The following TBCD variants were observed in gnomAD, a reference collection of about 807,000 sequenced individuals.
The protein encoded by TBCD is tubulin-specific chaperone D.
In TBCD, 105 loss-of-function variants were observed where a neutral mutation model predicts 169.3. That is an observed-to-expected ratio of 0.62 (90% confidence interval 0.53 to 0.73). TBCD has a LOEUF of 0.73. Ranked by LOEUF, TBCD falls within the 30% of genes least tolerant of loss-of-function variation. The probability of loss-of-function intolerance (pLI) is 0.00; values close to 1 mark genes in which losing one functional copy is unlikely to be tolerated. For missense variants in TBCD, 1,444 were observed against 1,600.1 expected (o/e 0.90, Z 1.66); for synonymous variants, 700 against 643.9 (o/e 1.09, Z -1.32).
chr17:82,940,402 C>T (rs1415090391), intron 37 of TBCD, among the ~76,000 whole-genome samples: 1 of 152,124 alleles, frequency 6.6e-6, no homozygotes, highest in Non-Finnish European at 1.5e-5. Context: ...CTGTGAGGGC[C>T]TCCGTGCTGA....
chr17:82,764,508 G>T (rs572474146), intron 3 of TBCD, among the ~76,000 whole-genome samples: 43 of 152,278 alleles, frequency 2.8e-4, no homozygotes, highest in African/African-American at 9.9e-4. Flanking sequence ...AGCTGGGCTT[G>T]GTGGCACATG....
rs969622782 is a variant in TBCD, at chr17:82,833,365, G to A, written c.1318+18431G>A. On this transcript the variant is annotated intron_variant, in intron 13 of 38. Transcript: ENST00000355528. The surrounding 1 kb of genome is among the most constrained non-coding windows in gnomAD (Gnocchi z 4.7). The stretch of plus-strand genomic sequence containing the variant: ...GGCAGTTTCTGCCCACTTTAGCCAC[G>A]TCGTTGGTGTATTCTAGTGTGCTTG... Among the ~76,000 whole-genome samples, 1 of 152,082 alleles carries A rather than the reference G, an allele frequency of 6.6e-6. No homozygotes were observed. The highest frequency in any genetic ancestry group is 1.5e-5 in the Non-Finnish European group (1 of 68,014).
chr17:82,774,203 C>T (rs542714938), intron 6 of TBCD, among the ~76,000 whole-genome samples: 13 of 152,168 alleles, frequency 8.5e-5, no homozygotes, highest in Admixed American at 2.6e-4. Context: ...TGCGGCCTTC[C>T]GCAGTGTTTT....
In TBCD at chr17:82,922,360, T is replaced by TCAAAAA. The variant is rs36201910; in HGVS notation, c.2178+808_2178+813dup. On this transcript the variant is annotated intron_variant, in intron 25 of 38. Transcript: ENST00000355528. The surrounding 1 kb of genome is among the most constrained non-coding windows in gnomAD (Gnocchi z 4.1). Reference sequence around the variant, plus strand: ...TGGGTGACAAGAGCAAGACCCTGCCTCAAAAACAAAAACAAAAACAAAAAC... The same window carrying TCAAAAA: ...TGGGTGACAAGAGCAAGACCCTGCCTCAAAAACAAAAACAAAAACAAAAACAAAAAC... 9.2e-5 allele frequency among the ~76,000 whole-genome samples: 14 copies of TCAAAAA among 151,528 alleles called. No homozygotes were observed. Among genetic ancestry groups the TCAAAAA allele is most frequent in the South Asian group, 2.1e-4 (1 of 4,786 alleles).
At chr17:82,844,725 C>T (rs1440477224) in intron 13 of TBCD, among the ~76,000 whole-genome samples, 7 of 149,558 alleles carry the variant, frequency 4.7e-5, no homozygotes, top group African/African-American at 1.5e-4. Flanking sequence ...GGGATTTTAC[C>T]CGCTATTTTT....
chr17:82,824,307 G>T (rs1402592845), intron 13 of TBCD, among the ~76,000 whole-genome samples: 1 of 151,478 alleles, frequency 6.6e-6, no homozygotes, highest in Non-Finnish European at 1.5e-5. Flanking sequence ...TCAGCCTCCT[G>T]AGTAGCTGGG....
Position 82,874,494 on chromosome 17 carries a change from G to A in TBCD, c.1475+4114G>A, listed in dbSNP as rs568329305. On this transcript the variant is annotated intron_variant, in intron 14 of 38. Transcript: ENST00000355528. This position sits in a 1 kb window ranked among gnomAD's most constrained non-coding sequence, Gnocchi z 5.0. ...GGGCCTCAGGGCTCGCAGCTCACAG[G>A]CTTCTGACGCCTCAGCCTGGAGCTG... Among the ~76,000 whole-genome samples, 64 of 152,216 alleles carry A rather than the reference G, an allele frequency of 4.2e-4. 1 individual carries two copies. In the Middle Eastern group the frequency reaches 0.01, roughly 24 times the overall value.
At chr17:82,857,560 C>T (rs2067844399) in intron 13 of TBCD, among the ~76,000 whole-genome samples, 1 of 152,104 alleles carries the variant, frequency 6.6e-6, no homozygotes, top group Non-Finnish European at 1.5e-5. Context: ...TGCACATATA[C>T]AGGTGTCTAA....
chr17:82,932,609 G>T lies in TBCD; in HGVS notation c.3114-49G>T. 4.6e-6 allele frequency: 7 copies of T among 1,519,658 alleles called. No homozygotes were observed. The South Asian group carries it at 6.9e-5, about 15-fold the overall frequency. The allele number at this position is 1,519,658 out of a possible 1,614,324, so 94.1% of individuals were successfully genotyped here. A position where few individuals can be genotyped will look rare whatever the true frequency, so the allele number is the denominator to read the frequency against. The stretch of plus-strand genomic sequence containing the variant: ...GACTCTCAGCCATTCAGGGAGTTGG[G>T]CGTCCTTGTTGCTGGTGTCCAGGGT... On this transcript the variant is annotated intron_variant, in intron 33 of 38. Transcript: ENST00000355528.
intron 22 of TBCD, among the ~76,000 whole-genome samples, chr17:82,910,870 G>A (rs910833192): frequency 6.6e-6 from 1 of 152,208 alleles, no homozygotes; most frequent in Non-Finnish European, 1.5e-5. Flanking sequence ...CAGCCTCCTA[G>A]TGGCTTTTTA....
rs1282993860 is a variant in TBCD, at chr17:82,884,669, C to CCTTGCGG, written c.1533+467_1533+468insCTTGCGG. 1.0e-4 allele frequency: 21 copies of CCTTGCGG among 207,226 alleles called. No individual in the cohort carries two copies. Among genetic ancestry groups the CCTTGCGG allele is most frequent in the Non-Finnish European group, 2.0e-4 (20 of 98,404 alleles). The allele number at this position is 207,226 out of a possible 1,614,324, so 12.8% of individuals were successfully genotyped here. On this transcript the variant is annotated intron_variant, in intron 15 of 38. Coordinates refer to ENST00000355528, the MANE Select transcript of TBCD (RefSeq NM_005993.5). This position sits in a 1 kb window ranked among gnomAD's most constrained non-coding sequence, Gnocchi z 4.2. ...GCCTGGGCCTTGCTGGATGTGGGAG[C>CCTTGCGG]TGCCTGCAGGACCGGGTGCGTCTTG... is the stretch of plus-strand genomic sequence containing the variant.
At chr17:82,787,641 A>G (rs1447048289) in intron 7 of TBCD, among the ~76,000 whole-genome samples, 12 of 152,294 alleles carry the variant, frequency 7.9e-5, no homozygotes, top group African/African-American at 2.6e-4. Flanking sequence ...TTAGGGTTTC[A>G]TCTGTTTCCT....
intron 14 of TBCD, chr17:82,876,935 G>A (rs953279368): frequency 3.0e-6 from 3 of 985,010 alleles, no homozygotes; most frequent in African/African-American, 3.5e-5. Flanking sequence ...CCTGAGCGGA[G>A]CTGTTGAAGT....
chr17:82,858,692 ACTTAC>A, intron 13 of TBCD: 1 of 977,122 alleles, frequency 1.0e-6, no homozygotes, highest in Non-Finnish European at 1.2e-6. Flanking sequence ...TTTTCCTTGT[ACTTAC>A]CTTCATATTT....
At chr17:82,840,640 C>T (rs541703421) in intron 13 of TBCD, 24 of 152,384 alleles carry the variant, frequency 1.6e-4, no homozygotes, top group Admixed American at 7.8e-4. Context: ...GCAAGAGCTG[C>T]GGAGCAGGGT....
intron 34 of TBCD, among the ~76,000 whole-genome samples, chr17:82,934,105 C>A (rs1178949473): frequency 6.6e-6 from 1 of 152,220 alleles, no homozygotes; most frequent in East Asian, 1.9e-4. Flanking sequence ...TACTGGCTGA[C>A]CCAGGCCCAG....
In TBCD at chr17:82,922,986, G is replaced by C. The variant is rs746110500; in HGVS notation, c.2179-666G>C. The stretch of plus-strand genomic sequence containing the variant: ...GCTCCTGCTCTGTGCAGCAATTGCC[G>C]TCCCTCCCACCACGGTTCCTGGTGG... On this transcript the variant is annotated intron_variant, in intron 25 of 38. Coordinates refer to ENST00000355528, the MANE Select transcript of TBCD (RefSeq NM_005993.5). The surrounding 1 kb of genome is among the most constrained non-coding windows in gnomAD (Gnocchi z 4.1). Among the ~76,000 whole-genome samples the C allele has an allele frequency of 6.6e-6, 1 of 152,200 alleles. No homozygotes were observed. Among genetic ancestry groups the C allele is most frequent in the Non-Finnish European group, 1.5e-5 (1 of 68,034 alleles).
intron 19 of TBCD, among the ~76,000 whole-genome samples, chr17:82,904,228 TC>T (rs1232989528): frequency 2.7e-5 from 4 of 146,282 alleles, no homozygotes; most frequent in South Asian, 2.3e-4. Flanking sequence ...CTCCTTGGTC[TC>T]TAGGTGGCTT....
At chr17:82,897,870 G>A (rs1567984496) in intron 17 of TBCD, among the ~76,000 whole-genome samples, 1 of 152,246 alleles carries the variant, frequency 6.6e-6, no homozygotes. Context: ...CGTGGGTTTT[G>A]ATGTGAGCAC....
Sources: gnomAD v4.1 joint callset for allele counts (sites outside exome capture counted in the v4.1 genomes callset) on GRCh38, gnomAD v4.1.1 for gene constraint, Gnocchi (gnomAD v3.1) non-coding constraint, MANE v1.5 for transcripts, NCBI Gene and HGNC (gene_info 2026-07-23, HGNC 2026-07-21) for gene names.